HBS1L: variants seen among roughly 807,000 people sequenced by gnomAD.
HBS1L encodes HBS1-like protein.
A neutral mutation model predicts 88.9 loss-of-function variants in HBS1L; 55 were observed. The ratio of observed to expected loss-of-function variants is 0.62; its 90% confidence interval spans 0.50 to 0.77. The LOEUF is 0.77. HBS1L is among the 30% of genes least tolerant of loss of function. The probability of loss-of-function intolerance (pLI) is 0.00; values close to 1 mark genes in which losing one functional copy is unlikely to be tolerated. For missense variants in HBS1L, 741 were observed against 829.3 expected, an observed-to-expected ratio of 0.89 and a Z score of 1.31; for synonymous variants, 267 against 288.5, an observed-to-expected ratio of 0.93 and a Z score of 0.76.
chr6:135,014,387 G>A (rs1350894151), intron 4 of HBS1L, among the ~76,000 whole-genome samples: 1 of 152,114 alleles, frequency 6.6e-6, no homozygotes, highest in African/African-American at 2.4e-5. Flanking sequence ...GCATGTTCTT[G>A]GCACTGAGGA....
intron 17 of HBS1L, 43 bp downstream of exon 17, chr6:134,966,286 T>G: frequency 2.6e-6 from 4 of 1,535,874 alleles, no homozygotes; most frequent in Non-Finnish European, 3.5e-6. Context: ...AGAAAAGGCA[T>G]CATAACTATG....
chr6:135,025,571 T>TA (rs1165347327), intron 4 of HBS1L, among the ~76,000 whole-genome samples: 2 of 152,000 alleles, frequency 1.3e-5, no homozygotes, highest in Non-Finnish European at 2.9e-5. Context: ...AGTTCGAGAG[T>TA]ACAAGGTGGT....
chr6:135,035,795 C>CAGA, intron 4 of HBS1L: 1 of 150,424 alleles, frequency 6.6e-6, no homozygotes. Context: ...AAAAAAGCAG[C>CAGA]AGCAGCAGCA....
chr6:135,049,760 C>T lies in HBS1L; in HGVS notation c.109+822G>A, dbSNP rs113007716. Among the ~76,000 whole-genome samples, 554 of 151,994 alleles carry T rather than the reference C, an allele frequency of 3.6e-3. 6 individuals are homozygous for T. Among genetic ancestry groups the T allele is most frequent in the Non-Finnish European group, 6.6e-3 (447 of 67,978 alleles). On this transcript the variant is annotated intron_variant, in intron 2 of 17. Transcript: ENST00000367837. Reference sequence around the variant, plus strand: ...CTACTTTTTGTATTTTTAGTAGAGACGGGGTTTCACCATGTTGGCCAGGCT... The same window carrying T: ...CTACTTTTTGTATTTTTAGTAGAGATGGGGTTTCACCATGTTGGCCAGGCT...
chr6:134,997,783 G>A, intron 5 of HBS1L, 127 bp from the exon 6 acceptor site: 1 of 856,510 alleles, frequency 1.2e-6, no homozygotes, highest in Non-Finnish European at 1.9e-6. Flanking sequence ...TCTCTGCTAA[G>A]TAGCTAAAGT....
chr6:135,003,915 G>C (rs1775536508), intron 4 of HBS1L, among the ~76,000 whole-genome samples: 1 of 152,016 alleles, frequency 6.6e-6, no homozygotes, highest in African/African-American at 2.4e-5. Flanking sequence ...GAGGGATGGA[G>C]GAGAATAAAT....
chr6:135,031,898 C>G (rs1466214855), intron 4 of HBS1L, among the ~76,000 whole-genome samples: 1 of 150,208 alleles, frequency 6.7e-6, no homozygotes, highest in Non-Finnish European at 1.5e-5. Flanking sequence ...AACTCCTGGA[C>G]TCAAGTGATA....
chr6:135,016,769 A>G (rs1439147428), intron 4 of HBS1L, among the ~76,000 whole-genome samples: 1 of 152,248 alleles, frequency 6.6e-6, no homozygotes. Flanking sequence ...ATTTTACAAT[A>G]TCCAGTCCAG....
At chr6:135,002,941 A>C in intron 4 of HBS1L, 99 bp from the exon 5 acceptor site, 1 of 715,082 alleles carries the variant, frequency 1.4e-6, no homozygotes, top group Non-Finnish European at 2.3e-6. Context: ...GATAACTTTC[A>C]CAGAATTAAT....
intron 16 of HBS1L, among the ~76,000 whole-genome samples, chr6:134,967,096 TGAAG>T (rs1774338950): frequency 6.6e-6 from 1 of 152,110 alleles, no homozygotes; most frequent in South Asian, 2.1e-4. Flanking sequence ...TTGTAAAATA[TGAAG>T]GAAGACAGGG....
rs571386871 is a variant in HBS1L at position 135,019,539 on chromosome 6, CA to C, written c.431-16698del. ...AGGTGCCACACACTGTTTTTAGTGA[CA>C]ATAGAATACACATACACAGGCCTTC... On this transcript the variant is annotated intron_variant, in intron 4 of 17. Transcript: ENST00000367837. Among the ~76,000 whole-genome samples the C allele has an allele frequency of 1.6e-4, 24 of 151,970 alleles. No individual in the cohort carries two copies. The East Asian group carries it at 4.0e-3, about 26-fold the overall frequency.
At chr6:135,040,900 C>T (rs577371859) in intron 3 of HBS1L, among the ~76,000 whole-genome samples, 306 of 152,146 alleles carry the variant, frequency 2.0e-3, no homozygotes, top group Non-Finnish European at 3.9e-3. Flanking sequence ...TGACAATTTT[C>T]ACAATACTTT....
In HBS1L at chr6:134,965,300, C is replaced by CAAAA; in HGVS notation, c.2044-14_2044-11dup. 1 of 1,331,168 alleles carries CAAAA rather than the reference C, an allele frequency of 7.5e-7. No homozygotes were observed. The highest frequency in any genetic ancestry group is 1.0e-6 in the Non-Finnish European group (1 of 962,738). 82.5% of individuals were successfully genotyped at this position (1,331,168 alleles called of 1,614,324 possible). A position where few individuals can be genotyped will look rare whatever the true frequency, so the allele number is the denominator to read the frequency against. On this transcript the variant is annotated splice_polypyrimidine_tract_variant and intron_variant, in intron 17 of 17. Transcript: ENST00000367837. ...CCCATCATTCTTTTATCTGTTAAAA[C>CAAAA]AAAAAAAAAAAAGACATTTGCTGTA...
intron 8 of HBS1L, among the ~76,000 whole-genome samples, chr6:134,990,503 T>C (rs6569986): frequency 0.31 from 47,775 of 152,156 alleles, 7,897 homozygotes; most frequent in Non-Finnish European, 0.37. Flanking sequence ...TATCTCTTTG[T>C]TACATAATGG....
At chr6:134,986,677 C>T in intron 10 of HBS1L, 59 bp downstream of exon 10, 1 of 826,898 alleles carries the variant, frequency 1.2e-6, no homozygotes, top group Non-Finnish European at 1.9e-6. Context: ...AGTTTTTCCT[C>T]TCATACCAGT....
chr6:134,966,342 C>A lies in HBS1L; in HGVS notation c.2030G>T (p.Gly677Val). The A allele has an allele frequency of 2.5e-6, 4 of 1,610,844 alleles. No homozygotes were observed. The highest frequency in any genetic ancestry group is 2.5e-6 in the Non-Finnish European group (3 of 1,178,380). The change falls in exon 17 of 18, where the codon GGT (glycine) becomes GTT (valine). Residue 677 changes from glycine to valine, a missense_variant. Physicochemically the swap from Gly to Val is moderately radical, Grantham distance 109. Coordinates refer to ENST00000367837, the MANE Select transcript of HBS1L (RefSeq NM_006620.4). ...AAAATAAAATACCTCAGTGACAACA[C>A]CAGCAGCTATTGTAGAACCACCGTA... ...LRYGGSTIAA[G>V]VVTEIKE
At chr6:135,048,277 T>C (rs1373084887) in intron 2 of HBS1L, among the ~76,000 whole-genome samples, 2 of 152,174 alleles carry the variant, frequency 1.3e-5, no homozygotes, top group Non-Finnish European at 2.9e-5. Context: ...TAATATCCGT[T>C]TTCAGTTTTT....
At chr6:135,014,871 A>C (rs1174329024) in intron 4 of HBS1L, among the ~76,000 whole-genome samples, 1 of 150,950 alleles carries the variant, frequency 6.6e-6, no homozygotes, top group Non-Finnish European at 1.5e-5. Flanking sequence ...AAAAAAAAAA[A>C]AAACCACAAA....
intron 2 of HBS1L, among the ~76,000 whole-genome samples, chr6:135,048,614 A>T (rs778183769): frequency 6.6e-6 from 1 of 152,208 alleles, no homozygotes; most frequent in Non-Finnish European, 1.5e-5. Flanking sequence ...TTGTTCCCCT[A>T]AGAACTAGGG....
Sources: gnomAD v4.1 joint callset for allele counts (sites outside exome capture counted in the v4.1 genomes callset) on GRCh38, gnomAD v4.1.1 for gene constraint, MANE v1.5 for transcripts, NCBI Gene and HGNC (gene_info 2026-07-23, HGNC 2026-07-21) for gene names.